The following KLF15 variants were observed in gnomAD, a reference collection of about 807,000 sequenced individuals.
KLF15 encodes the protein KLF transcription factor 15.
In KLF15, 4 loss-of-function variants were observed where a neutral mutation model predicts 24.6. The observed-to-expected ratio is 0.16, with a 90% CI of 0.08 to 0.37. The LOEUF (loss-of-function observed/expected upper bound fraction) is 0.37. Among genes scored for constraint, KLF15 ranks in the 10% least tolerant of loss-of-function variants. The pLI is 1.00. For missense variants in KLF15, 496 were observed against 560.6 expected (o/e 0.88, Z 1.16); for synonymous variants, 246 against 236.3 (o/e 1.04, Z -0.37).
intron 2 of KLF15, 93 bp downstream of exon 2, chr3:126,351,748 T>G: frequency 4.1e-6 from 3 of 731,644 alleles, no homozygotes; most frequent in Non-Finnish European, 6.2e-6. Flanking sequence ...ATCTACCTTC[T>G]GTTAATGGTG....
the KLF15 span, among the ~76,000 whole-genome samples, chr3:126,328,716 T>G: frequency 6.6e-6 from 1 of 152,090 alleles, no homozygotes; most frequent in Non-Finnish European, 1.5e-5. Flanking sequence ...CTTTCCCCCA[T>G]GCTTGGATAT....
At chr3:126,333,001 G>T in the KLF15 span, among the ~76,000 whole-genome samples, 1 of 69,206 alleles carries the variant, frequency 1.4e-5, no homozygotes, top group East Asian at 3.3e-4. Flanking sequence ...CACTCTGCAG[G>T]ATATTATCCA....
the KLF15 span, among the ~76,000 whole-genome samples, chr3:126,299,869 A>C: frequency 2.0e-5 from 3 of 151,890 alleles, no homozygotes; most frequent in Non-Finnish European, 4.4e-5. Flanking sequence ...CCTCAGGAGA[A>C]GCCCACCCTG....
the KLF15 span, among the ~76,000 whole-genome samples, chr3:126,334,202 C>G: frequency 7.2e-5 from 11 of 152,104 alleles, no homozygotes; most frequent in African/African-American, 2.2e-4. Context: ...TGTAAAAGAA[C>G]AGAAATTATA....
chr3:126,333,446 A>G, the KLF15 span, among the ~76,000 whole-genome samples: 181 of 139,938 alleles, frequency 1.3e-3, no homozygotes, highest in South Asian at 4.6e-3. Context: ...AGGAACAACC[A>G]GTACCAGCCG....
chr3:126,328,773 G>GT, the KLF15 span, among the ~76,000 whole-genome samples: 3 of 152,016 alleles, frequency 2.0e-5, no homozygotes, highest in East Asian at 1.9e-4. Context: ...AGGATATATT[G>GT]TTTTTTTATT....
the KLF15 span, among the ~76,000 whole-genome samples, chr3:126,332,258 G>A: frequency 0.027 from 4,001 of 149,158 alleles, 155 homozygotes; most frequent in African/African-American, 0.074. Flanking sequence ...AGTGGGTCCC[G>A]GACCCCTGAC....
At chr3:126,310,388 G>A in the KLF15 span, among the ~76,000 whole-genome samples, 2 of 152,336 alleles carry the variant, frequency 1.3e-5, no homozygotes, top group Non-Finnish European at 1.5e-5. Context: ...GCTACCGAAT[G>A]AATGTGACCC....
intron 1 of KLF15, among the ~76,000 whole-genome samples, chr3:126,354,965 A>C (rs1576590325): frequency 6.6e-6 from 1 of 151,428 alleles, no homozygotes; most frequent in African/African-American, 2.4e-5. Context: ...CTCACTAAGC[A>C]CCCCCCTCAG....
At chr3:126,312,539 T>C in the KLF15 span, among the ~76,000 whole-genome samples, 3 of 152,208 alleles carry the variant, frequency 2.0e-5, no homozygotes, top group South Asian at 2.1e-4. Flanking sequence ...CTGTTTCTTA[T>C]GTCTGACTCT....
At chr3:126,331,733 G>A in the KLF15 span, among the ~76,000 whole-genome samples, 1 of 152,228 alleles carries the variant, frequency 6.6e-6, no homozygotes, top group Non-Finnish European at 1.5e-5. Flanking sequence ...GGGAGTGCCA[G>A]ACAGTGGGCG....
the KLF15 span, among the ~76,000 whole-genome samples, chr3:126,320,817 A>G: frequency 6.6e-6 from 1 of 151,570 alleles, no homozygotes; most frequent in Non-Finnish European, 1.5e-5. Flanking sequence ...TCACTAGTAA[A>G]ATCTAGGATG....
chr3:126,340,301 AG>A (rs932837501), downstream of KLF15, among the ~76,000 whole-genome samples: 3 of 152,248 alleles, frequency 2.0e-5, no homozygotes, highest in African/African-American at 7.2e-5. Flanking sequence ...TCCGGCCAAC[AG>A]AATGGGAGTG....
intron 2 of KLF15, 95 bp downstream of exon 2, chr3:126,351,746 T>C: frequency 9.1e-7 from 1 of 1,093,136 alleles, no homozygotes. Context: ...TCATCTACCT[T>C]CTGTTAATGG....
chr3:126,344,484 C>T (rs1296159463), intron 2 of KLF15, among the ~76,000 whole-genome samples: 1 of 152,232 alleles, frequency 6.6e-6, no homozygotes, highest in Non-Finnish European at 1.5e-5. Flanking sequence ...GACCCCAATG[C>T]TACCAGGGAC....
intron 2 of KLF15, 58 bp from the exon 3 acceptor site, chr3:126,343,953 C>T: frequency 6.7e-7 from 1 of 1,487,808 alleles, no homozygotes; most frequent in Non-Finnish European, 8.9e-7. Flanking sequence ...CCTGCCCCGA[C>T]CCCACGAAGT....
chr3:126,352,127 C>G lies in KLF15; in HGVS notation c.796G>C (p.Val266Leu). ...AGGTTCAAGTTGGAGGAGGGTACCA[C>G]CTGGGGCACGAGTGCGAAGGTCTGC... Reference protein sequence around the residue: ...QGQTFALVPQVVPSSNLNLPS... With the variant: ...QGQTFALVPQLVPSSNLNLPS... Residue 266 changes from valine (V) to leucine (L), a missense_variant, in exon 2 of 3, where the codon GTG becomes CTG. Val to Leu is a conservative substitution (Grantham distance 32). Coordinates refer to ENST00000296233, the MANE Select transcript of KLF15 (RefSeq NM_014079.4). 1.9e-6 allele frequency: 3 copies of G among 1,561,550 alleles called. No individual in the cohort carries two copies. Among genetic ancestry groups the G allele is most frequent in the Non-Finnish European group, 2.6e-6 (3 of 1,152,282 alleles).
At chr3:126,323,834 TC>T in the KLF15 span, among the ~76,000 whole-genome samples, 1 of 151,620 alleles carries the variant, frequency 6.6e-6, no homozygotes, top group Admixed American at 6.6e-5. Context: ...GGTTTTCTGT[TC>T]CTGTGTTAGT....
the KLF15 span, among the ~76,000 whole-genome samples, chr3:126,303,729 T>TA: frequency 6.6e-6 from 1 of 151,942 alleles, no homozygotes; most frequent in African/African-American, 2.4e-5. Flanking sequence ...TCTTTTTTTT[T>TA]AACTAAACTC....
Sources: allele counts gnomAD v4.1 joint callset (sites outside exome capture counted in the v4.1 genomes callset), GRCh38; gene constraint gnomAD v4.1.1; transcripts MANE v1.5; gene names NCBI Gene and HGNC (gene_info 2026-07-23, HGNC 2026-07-21).